The following FAM120A variants were observed in gnomAD, a reference collection of about 807,000 sequenced individuals.
The protein encoded by FAM120A is constitutive coactivator of PPAR-gamma-like protein 1.
In FAM120A, 15 loss-of-function variants were observed where a neutral mutation model predicts 109.7. That is an observed-to-expected ratio of 0.14 (90% CI 0.09 to 0.21). The LOEUF (loss-of-function observed/expected upper bound fraction) is 0.21, where lower values mean the gene tolerates loss of function less well. FAM120A is among the 10% of genes least tolerant of loss of function. The probability of loss-of-function intolerance (pLI) is 1.00; values close to 1 mark genes in which losing one functional copy is unlikely to be tolerated. For missense variants in FAM120A, 899 were observed against 1,439.3 expected, an observed-to-expected ratio of 0.62 and a Z score of 6.07; for synonymous variants, 493 against 572.8, an observed-to-expected ratio of 0.86 and a Z score of 1.99.
At chr9:93,525,412 A>C (rs1861033595) in intron 7 of FAM120A, among the ~76,000 whole-genome samples, 2 of 152,120 alleles carry the variant, frequency 1.3e-5, no homozygotes, top group African/African-American at 4.8e-5. Flanking sequence ...AGAGCCCCAG[A>C]CACTCTAGGG....
At chr9:93,475,160 A>T (rs2131272789) in intron 2 of FAM120A, among the ~76,000 whole-genome samples, 1 of 152,304 alleles carries the variant, frequency 6.6e-6, no homozygotes, top group South Asian at 2.1e-4. Flanking sequence ...AAAGTCATTT[A>T]TGTTTCATAT....
At position 93,555,557 on chromosome 9, in the gene FAM120A, A is replaced by G. The variant is rs116965548; in HGVS notation, c.2275-825A>G. 2.4e-4 allele frequency among the ~76,000 whole-genome samples: 36 copies of G among 152,354 alleles called. No individual in the cohort carries two copies. In the East Asian group the frequency reaches 6.9e-3, roughly 29 times the overall value. Reference sequence around the variant, plus strand: ...GAAGACAAAAGCCAGAGCAGGGCTAAACTTTGATCCTGGATAATCCACAAA... The same window carrying G: ...GAAGACAAAAGCCAGAGCAGGGCTAGACTTTGATCCTGGATAATCCACAAA... On this transcript the variant is annotated intron_variant, in intron 12 of 17. Coordinates refer to ENST00000277165, the MANE Select transcript of FAM120A (RefSeq NM_014612.5).
chr9:93,504,577 C>T (rs1859949215), intron 5 of FAM120A, among the ~76,000 whole-genome samples: 1 of 152,116 alleles, frequency 6.6e-6, no homozygotes, highest in Non-Finnish European at 1.5e-5. Flanking sequence ...AGCATGTACT[C>T]CTCTGACTTG....
At chr9:93,465,607 A>G (rs747508607) in intron 1 of FAM120A, among the ~76,000 whole-genome samples, 1 of 152,154 alleles carries the variant, frequency 6.6e-6, no homozygotes, top group Non-Finnish European at 1.5e-5. Context: ...ATTTGGAATA[A>G]TTTTATAGAA....
At chr9:93,544,976 G>A (rs1861830106) in intron 11 of FAM120A, among the ~76,000 whole-genome samples, 2 of 152,194 alleles carry the variant, frequency 1.3e-5, no homozygotes, top group Non-Finnish European at 2.9e-5. Flanking sequence ...GTTTTTATCA[G>A]CATGAACTCA....
In FAM120A at chr9:93,452,700, T is replaced by A. The variant is rs1268879431; in HGVS notation, c.474+311T>A. On this transcript the variant is annotated intron_variant, in intron 1 of 17. Coordinates refer to ENST00000277165, the MANE Select transcript of FAM120A (RefSeq NM_014612.5). The surrounding 1 kb of genome is among the most constrained non-coding windows in gnomAD (Gnocchi z 7.0). The stretch of plus-strand genomic sequence containing the variant: ...GTGTCATCATCCCCAATATCCTTAG[T>A]TTTTCCCATCCTATTTGAGGCGGGC... 1 of 1,598,362 alleles carries A rather than the reference T, an allele frequency of 6.3e-7. No homozygotes were observed. Among genetic ancestry groups the A allele is most frequent in the South Asian group, 1.1e-5 (1 of 91,078 alleles).
chr9:93,508,717 C>T (rs1860176710), intron 5 of FAM120A, among the ~76,000 whole-genome samples: 1 of 152,196 alleles, frequency 6.6e-6, no homozygotes, highest in Non-Finnish European at 1.5e-5. Flanking sequence ...AGAGGGGCTC[C>T]TGTGCTGCAT....
intron 3 of FAM120A, among the ~76,000 whole-genome samples, chr9:93,482,246 G>C (rs191630183): frequency 1.3e-5 from 2 of 148,804 alleles, no homozygotes; most frequent in Non-Finnish European, 3.0e-5. Context: ...GGAGTGCAGT[G>C]GTGCGATCTC....
intron 11 of FAM120A, among the ~76,000 whole-genome samples, chr9:93,549,100 A>G (rs941998542): frequency 2.0e-5 from 3 of 152,190 alleles, no homozygotes; most frequent in Admixed American, 6.5e-5. Flanking sequence ...AGACCATTGT[A>G]TTTAAGATTT....
Position 93,452,860 on chromosome 9 carries a change from G to A in FAM120A, c.474+471G>A. The A allele has an allele frequency of 6.8e-7, 1 of 1,480,654 alleles. No homozygotes were observed. The highest frequency in any genetic ancestry group is 8.9e-7 in the Non-Finnish European group (1 of 1,124,754). The allele number at this position is 1,480,654 out of a possible 1,614,324, so 91.7% of individuals were successfully genotyped here. ...GGGGGTTTCGCCAGAGCCCTTGGGG[G>A]CTGCAAATATCAGTGCTGCTGCCGC... On this transcript the variant is annotated intron_variant, in intron 1 of 17. Coordinates refer to ENST00000277165, the MANE Select transcript of FAM120A (RefSeq NM_014612.5). The surrounding 1 kb of genome is among the most constrained non-coding windows in gnomAD (Gnocchi z 7.0).
chr9:93,453,529 CTGTCT>C, intron 1 of FAM120A: 1 of 985,442 alleles, frequency 1.0e-6, no homozygotes, highest in Non-Finnish European at 1.2e-6. Flanking sequence ...TTGTGAAATT[CTGTCT>C]TCGCGGTTGC....
At position 93,476,416 on chromosome 9, in the gene FAM120A, C is replaced by T. The variant is rs1858551145; in HGVS notation, c.804+78C>T. ...GCTATTACTTTAATAACATGTTAGG[C>T]CCTTTATTGGTGATGCTACAAAGTT... On this transcript the variant is annotated intron_variant, in intron 3 of 17. Coordinates refer to ENST00000277165, the MANE Select transcript of FAM120A (RefSeq NM_014612.5). 3.1e-6 allele frequency: 3 copies of T among 960,502 alleles called. No homozygotes were observed. The South Asian group carries it at 4.1e-5, about 13-fold the overall frequency. The allele number at this position is 960,502 out of a possible 1,614,324, so 59.5% of individuals were successfully genotyped here.
rs373996077 is a variant in FAM120A at position 93,513,030 on chromosome 9, T to C, written c.1031-2637T>C. ...AAAAAACAAAAATGATCATCTTCACTTGAATGCGGGTGCTACATGAGTCTA... is the reference window on the plus strand; with the variant it reads ...AAAAAACAAAAATGATCATCTTCACCTGAATGCGGGTGCTACATGAGTCTA... On this transcript the variant is annotated intron_variant, in intron 5 of 17. Coordinates refer to ENST00000277165, the MANE Select transcript of FAM120A (RefSeq NM_014612.5). Among the ~76,000 whole-genome samples the C allele has an allele frequency of 9.2e-5, 14 of 152,350 alleles. No individual in the cohort carries two copies. The South Asian group carries it at 2.9e-3, about 32-fold the overall frequency.
intron 1 of FAM120A, among the ~76,000 whole-genome samples, chr9:93,457,883 A>G (rs932347028): frequency 3.3e-5 from 5 of 151,684 alleles, no homozygotes; most frequent in African/African-American, 7.3e-5. Context: ...ACCTTTTTCA[A>G]TGATCAAAAT....
chr9:93,478,122 C>T (rs570618528), intron 3 of FAM120A, among the ~76,000 whole-genome samples: 2 of 152,242 alleles, frequency 1.3e-5, no homozygotes, highest in African/African-American at 4.8e-5. Flanking sequence ...CATTTTGATA[C>T]TTTATCATAT....
chr9:93,539,583 A>G (rs1861628403), intron 10 of FAM120A, among the ~76,000 whole-genome samples: 1 of 152,240 alleles, frequency 6.6e-6, no homozygotes. Context: ...ACCATGCTCT[A>G]AGTCCCAGAT....
chr9:93,493,701 C>T (rs1263490087), intron 3 of FAM120A, among the ~76,000 whole-genome samples: 1 of 152,236 alleles, frequency 6.6e-6, no homozygotes, highest in Non-Finnish European at 1.5e-5. Context: ...TGTACCCAAG[C>T]CCTCACATGG....
chr9:93,522,191 T>G (rs186904393), intron 7 of FAM120A, among the ~76,000 whole-genome samples: 28 of 152,380 alleles, frequency 1.8e-4, no homozygotes, highest in Middle Eastern at 3.4e-3. Flanking sequence ...CTGAGGTTAC[T>G]GTATTACAAT....
In FAM120A at chr9:93,527,249, A is replaced by C; in HGVS notation, c.1506+7A>C. ...CCCAGGAGACCAAACAAAGGTAGAA[A>C]GTCTATGCCTTTTAGTTTTTGAGTT... On this transcript the variant is annotated splice_region_variant and intron_variant, in intron 8 of 17. Transcript: ENST00000277165. The C allele has an allele frequency of 6.2e-7, 1 of 1,611,766 alleles. No homozygotes were observed. The highest frequency in any genetic ancestry group is 8.5e-7 in the Non-Finnish European group (1 of 1,177,942).
Sources: gnomAD v4.1 joint callset for allele counts (sites outside exome capture counted in the v4.1 genomes callset) on GRCh38, gnomAD v4.1.1 for gene constraint, Gnocchi (gnomAD v3.1) non-coding constraint, MANE v1.5 for transcripts, NCBI Gene and HGNC (gene_info 2026-07-23, HGNC 2026-07-21) for gene names.